Variants in SLC25A53 observed in about 807,000 individuals in gnomAD.
SLC25A53 encodes the protein solute carrier family 25 member 53, also known as mitochondrial carrier triple repeat protein 6.
SLC25A53 carries 5 observed loss-of-function variants against 15.0 expected under a neutral mutation model. The observed-to-expected ratio is 0.33, with a 90% CI of 0.17 to 0.70. SLC25A53 has a LOEUF of 0.70. Among genes scored for constraint, SLC25A53 ranks in the 30% least tolerant of loss-of-function variants. SLC25A53 has a pLI of 0.67. For synonymous variants in SLC25A53, 95 were observed against 100.0 expected (o/e 0.95, Z 0.30); for missense variants, 216 against 241.6 (o/e 0.89, Z 0.70).
intron 1 of SLC25A53, among the ~76,000 whole-genome samples, chrX:104,109,763 A>C (rs1417284801): frequency 8.9e-6 from 1 of 112,084 alleles, no homozygotes; most frequent in Admixed American, 9.4e-5. Context: ...GCAAAATGGG[A>C]TACAATAGCT....
At chrX:104,148,676 C>T (rs1556369762) in intron 1 of SLC25A53, among the ~76,000 whole-genome samples, 1 of 108,717 alleles carries the variant, frequency 9.2e-6, no homozygotes. Context: ...CACACAGGGG[C>T]CTGTCATGGG....
At chrX:104,118,625 A>AGG (rs1394484185) in intron 1 of SLC25A53, among the ~76,000 whole-genome samples, 3 of 112,598 alleles carry the variant, frequency 2.7e-5, no homozygotes, top group Non-Finnish European at 3.8e-5. Flanking sequence ...CACATATTTC[A>AGG]GATGATGAAA....
At chrX:104,139,116 A>T (rs1161861455) in intron 1 of SLC25A53, among the ~76,000 whole-genome samples, 1 of 112,650 alleles carries the variant, frequency 8.9e-6, no homozygotes, top group Non-Finnish European at 1.9e-5. Context: ...TAAAGGGATC[A>T]TGCTCTTCCC....
At chrX:104,109,541 A>G (rs1423162014) in intron 1 of SLC25A53, among the ~76,000 whole-genome samples, 15 of 112,440 alleles carry the variant, frequency 1.3e-4, no homozygotes, top group Non-Finnish European at 2.6e-4. Context: ...AGGCAAGATA[A>G]CAATTAAATT....
intron 1 of SLC25A53, among the ~76,000 whole-genome samples, chrX:104,153,342 G>A (rs2075491226): frequency 9.1e-6 from 1 of 109,619 alleles, no homozygotes; most frequent in South Asian, 3.9e-4. Context: ...GATCTGCAAT[G>A]CCAATATCAA....
At chrX:104,150,874 C>T (rs2075482871) in intron 1 of SLC25A53, among the ~76,000 whole-genome samples, 1 of 111,530 alleles carries the variant, frequency 9.0e-6, no homozygotes. Flanking sequence ...GAGCAATCAA[C>T]CCAACCTGTT....
chrX:104,101,949 A>AT lies in SLC25A53; in HGVS notation c.*2384_*2385insA, dbSNP rs1556352771. The AT allele has an allele frequency of 1.8e-5, 2 of 112,477 alleles. No homozygotes were observed. The highest frequency in any genetic ancestry group is 1.9e-5 in the Non-Finnish European group (1 of 53,329). 9.3% of individuals were successfully genotyped at this position (112,477 alleles called of 1,213,427 possible). A position where few individuals can be genotyped will look rare whatever the true frequency, so the allele number is the denominator to read the frequency against. ...GGGACATGGATGGACAGAATGACAT[A>AT]AGTGGAAATCACCAGTGTACTTGGG... On this transcript the variant is annotated 3_prime_UTR_variant, in exon 2 of 2. Coordinates refer to ENST00000594199, the MANE Select transcript of SLC25A53 (RefSeq NM_001012755.5).
chrX:104,121,500 G>A (rs2075392672), intron 1 of SLC25A53, among the ~76,000 whole-genome samples: 2 of 110,828 alleles, frequency 1.8e-5, no homozygotes, highest in Admixed American at 9.7e-5. Flanking sequence ...AAAGAGAGGT[G>A]GCCTGTGGCA....
Position 104,102,849 on chromosome X carries a change from C to G in SLC25A53, c.*1485G>C, listed in dbSNP as rs1266299931. 4.5e-5 allele frequency: 5 copies of G among 111,904 alleles called. No individual in the cohort carries two copies. Among genetic ancestry groups the G allele is most frequent in the African/African-American group, 1.3e-4 (4 of 30,764 alleles). 9.2% of individuals were successfully genotyped at this position (111,904 alleles called of 1,213,427 possible). ...GAAGTGCTGTTAGAAAGGGGCATCA[C>G]AGAGGCTGGGCGCGGTGGCTCACGC... On this transcript the variant is annotated 3_prime_UTR_variant, in exon 2 of 2. Transcript: ENST00000594199.
At chrX:104,148,068 T>C (rs1197859215) in intron 1 of SLC25A53, among the ~76,000 whole-genome samples, 2 of 107,752 alleles carry the variant, frequency 1.9e-5, no homozygotes, top group Non-Finnish European at 3.9e-5. Flanking sequence ...CCAACAATGA[T>C]AGACTGGATT....
At chrX:104,142,892 G>A (rs181040229) in intron 1 of SLC25A53, among the ~76,000 whole-genome samples, 1 of 98,223 alleles carries the variant, frequency 1.0e-5, no homozygotes, top group African/African-American at 3.9e-5. Context: ...CTGCACTCCA[G>A]CCTGGGCGAC....
At chrX:104,130,673 C>T (rs782414436) in intron 1 of SLC25A53, 1 of 110,295 alleles carries the variant, frequency 9.1e-6, no homozygotes, top group Non-Finnish European at 1.9e-5. Flanking sequence ...AAACCTCATG[C>T]ATCAGCCATC....
At chrX:104,112,759 G>C (rs1201809319) in intron 1 of SLC25A53, 2 of 112,867 alleles carry the variant, frequency 1.8e-5, no homozygotes, top group Non-Finnish European at 3.8e-5. Flanking sequence ...GCGAAACAGA[G>C]CTGTGGACGC....
chrX:104,114,204 G>T, intron 1 of SLC25A53: 1 of 1,208,442 alleles, frequency 8.3e-7, no homozygotes, highest in Non-Finnish European at 1.1e-6. Flanking sequence ...CTCTGGGGAG[G>T]AGTCTCTGTC....
intron 1 of SLC25A53, among the ~76,000 whole-genome samples, chrX:104,110,150 C>T (rs1418658259): frequency 8.9e-6 from 1 of 111,874 alleles, no homozygotes; most frequent in Non-Finnish European, 1.9e-5. Flanking sequence ...TGATTCCATC[C>T]CTACCAAGTC....
intron 1 of SLC25A53, among the ~76,000 whole-genome samples, chrX:104,107,852 C>A (rs189923016): frequency 9.0e-6 from 1 of 111,578 alleles, no homozygotes; most frequent in Non-Finnish European, 1.9e-5. Flanking sequence ...TGATGTGTGA[C>A]CTTTAGAAAT....
intron 1 of SLC25A53, among the ~76,000 whole-genome samples, chrX:104,145,433 A>T (rs2075463292): frequency 9.0e-6 from 1 of 111,568 alleles, no homozygotes; most frequent in African/African-American, 3.3e-5. Context: ...TTCAAAAGCT[A>T]GCAGAAGACA....
intron 1 of SLC25A53, chrX:104,115,538 CCA>C: frequency 2.9e-6 from 1 of 348,093 alleles, no homozygotes; most frequent in Non-Finnish European, 5.1e-6. Flanking sequence ...GGTCTATTCT[CCA>C]TGTGTCTATT....
rs2075289350 is a variant in SLC25A53 at position 104,103,204 on chromosome X, A to G, written c.*1130T>C. The stretch of plus-strand genomic sequence containing the variant: ...CACATTCAGTTGGGGAAAATCAAGA[A>G]CTCCATAGAGAAGGTGACCTCTGAG... On this transcript the variant is annotated 3_prime_UTR_variant, in exon 2 of 2. Coordinates refer to ENST00000594199, the MANE Select transcript of SLC25A53 (RefSeq NM_001012755.5). 9.1e-6 allele frequency: 1 copy of G among 110,469 alleles called. No individual in the cohort carries two copies. 9.1% of individuals were successfully genotyped at this position (110,469 alleles called of 1,213,427 possible). A position where few individuals can be genotyped will look rare whatever the true frequency, so the allele number is the denominator to read the frequency against.
Sources: allele counts gnomAD v4.1 joint callset (sites outside exome capture counted in the v4.1 genomes callset), GRCh38; gene constraint gnomAD v4.1.1; transcripts MANE v1.5; gene names NCBI Gene and HGNC (gene_info 2026-07-23, HGNC 2026-07-21).